UTRN: variants seen among roughly 807,000 people sequenced by gnomAD.
The protein encoded by UTRN is utrophin.
In UTRN, 283 loss-of-function variants were observed where a neutral mutation model predicts 463.9. The ratio of observed to expected loss-of-function variants is 0.61; its 90% CI spans 0.55 to 0.67. The LOEUF (loss-of-function observed/expected upper bound fraction) is 0.67. UTRN is among the 30% of genes least tolerant of loss of function. The pLI is 0.00. For missense variants in UTRN, 3,922 were observed against 4,084.3 expected (o/e 0.96, Z 1.08); for synonymous variants, 1,442 against 1,431.5 (o/e 1.01, Z -0.17).
intron 2 of UTRN, among the ~76,000 whole-genome samples, chr6:144,355,391 G>T (rs1323250985): frequency 6.6e-6 from 1 of 152,012 alleles, no homozygotes; most frequent in Non-Finnish European, 1.5e-5. Flanking sequence ...TAGAGATGGG[G>T]ACTCCCTATG....
intron 68 of UTRN, among the ~76,000 whole-genome samples, chr6:144,828,218 T>C (rs1407064902): frequency 6.6e-6 from 1 of 152,096 alleles, no homozygotes; most frequent in African/African-American, 2.4e-5. Flanking sequence ...TTGAACTGGG[T>C]CTAGGCCAAC....
chr6:144,639,923 A>C (rs1777597069), intron 51 of UTRN, among the ~76,000 whole-genome samples: 1 of 152,172 alleles, frequency 6.6e-6, no homozygotes, highest in Non-Finnish European at 1.5e-5. Context: ...CAGGGCCATG[A>C]GGCATTATCA....
At chr6:144,692,284 G>C (rs927965683) in intron 52 of UTRN, among the ~76,000 whole-genome samples, 4 of 152,146 alleles carry the variant, frequency 2.6e-5, no homozygotes, top group African/African-American at 9.7e-5. Flanking sequence ...TTTCAATCCA[G>C]TCTTATCATT....
intron 53 of UTRN, among the ~76,000 whole-genome samples, chr6:144,724,108 C>T (rs1256776344): frequency 6.7e-6 from 1 of 150,204 alleles, no homozygotes; most frequent in African/African-American, 2.4e-5. Flanking sequence ...TTAATAATAA[C>T]CTTGTTGAGA....
At chr6:144,618,741 T>C (rs1449823595) in intron 51 of UTRN, among the ~76,000 whole-genome samples, 1 of 152,140 alleles carries the variant, frequency 6.6e-6, no homozygotes, top group Non-Finnish European at 1.5e-5. Context: ...TATTATTGTT[T>C]AAAGTTTGGA....
intron 58 of UTRN, among the ~76,000 whole-genome samples, chr6:144,765,964 A>G (rs1011012809): frequency 6.6e-6 from 1 of 151,816 alleles, no homozygotes; most frequent in Non-Finnish European, 1.5e-5. Context: ...ATATCTTTGG[A>G]TTTCCTGCCT....
intron 2 of UTRN, among the ~76,000 whole-genome samples, chr6:144,395,685 A>C (rs1183449223): frequency 6.6e-6 from 1 of 152,188 alleles, no homozygotes; most frequent in Non-Finnish European, 1.5e-5. Flanking sequence ...ATCATTTGGC[A>C]ATATGGTGTG....
At position 144,835,867 on chromosome 6, in the gene UTRN, C is replaced by T. The variant is rs779471507; in HGVS notation, c.9753C>T (p.Ile3251=). ...PVSQPQSPAQ[I]LKSVEREERG... The stretch of plus-strand genomic sequence containing the variant: ...GCCAGCCGCAGAGCCCAGCTCAGAT[C>T]CTGAAGTCAGTAGAGAGGGAAGAAC... Residue 3251 remains isoleucine (I), a synonymous_variant, in exon 70 of 75, where the codon ATC becomes ATT. Transcript: ENST00000367545. The T allele has an allele frequency of 3.7e-6, 6 of 1,613,960 alleles. No individual in the cohort carries two copies. In the African/African-American group the frequency reaches 8.0e-5, roughly 22 times the overall value.
At chr6:144,314,215 A>G (rs985169401) in intron 2 of UTRN, among the ~76,000 whole-genome samples, 3 of 152,230 alleles carry the variant, frequency 2.0e-5, no homozygotes, top group African/African-American at 7.2e-5. Flanking sequence ...TTGAAAATCT[A>G]GAAAAAAAAA....
intron 51 of UTRN, among the ~76,000 whole-genome samples, chr6:144,625,257 A>G (rs1468138248): frequency 6.6e-6 from 1 of 152,228 alleles, no homozygotes; most frequent in African/African-American, 2.4e-5. Flanking sequence ...AATTAATAGA[A>G]TCAGTTTCTT....
intron 2 of UTRN, among the ~76,000 whole-genome samples, chr6:144,314,949 TA>T (rs1318061658): frequency 5.2e-4 from 75 of 144,102 alleles, no homozygotes; most frequent in African/African-American, 2.1e-3. Context: ...TCTCTCTATA[TA>T]TTTTTTTCCT....
Position 144,523,115 on chromosome 6 carries a change from C to G in UTRN, c.5833C>G (p.Gln1945Glu). 1 of 1,613,494 alleles carries G rather than the reference C, an allele frequency of 6.2e-7. No individual in the cohort carries two copies. Among genetic ancestry groups the G allele is most frequent in the Non-Finnish European group, 8.5e-7 (1 of 1,179,714 alleles). ...ILEASGPEAI[Q>E]IRDTLTQLNA... ...TGAAGCCTCTGGACCTGAAGCCATT[C>G]AGATCAGAGATACACTTACTCAGCT... Residue 1945 changes from glutamine to glutamate, a missense_variant, in exon 41 of 75, where the codon CAG becomes GAG. Transcript: ENST00000367545.
intron 52 of UTRN, among the ~76,000 whole-genome samples, chr6:144,690,524 C>T (rs1783291628): frequency 6.6e-6 from 1 of 152,116 alleles, no homozygotes. Flanking sequence ...CTCATCTGCC[C>T]ATGAAGCAGG....
chr6:144,637,996 T>C (rs1585714186), intron 51 of UTRN, among the ~76,000 whole-genome samples: 1 of 152,270 alleles, frequency 6.6e-6, no homozygotes, highest in South Asian at 2.1e-4. Flanking sequence ...TTTAACCTTA[T>C]GCATCAGACA....
intron 45 of UTRN, among the ~76,000 whole-genome samples, chr6:144,540,647 T>C (rs1797907128): frequency 6.6e-6 from 1 of 152,106 alleles, no homozygotes; most frequent in African/African-American, 2.4e-5. Flanking sequence ...TTAATATACA[T>C]CTCCCACCTT....
intron 3 of UTRN, among the ~76,000 whole-genome samples, chr6:144,413,759 A>T (rs958659804): frequency 6.6e-6 from 1 of 152,112 alleles, no homozygotes; most frequent in Non-Finnish European, 1.5e-5. Flanking sequence ...ATAACCAACA[A>T]CTGTGTTACT....
intron 53 of UTRN, among the ~76,000 whole-genome samples, chr6:144,704,069 G>C (rs1697548478): frequency 6.6e-6 from 1 of 152,102 alleles, no homozygotes. Context: ...TGGAGCAGTG[G>C]GTCTTAGGTC....
At chr6:144,332,752 T>G (rs1045726254) in intron 2 of UTRN, among the ~76,000 whole-genome samples, 2 of 152,110 alleles carry the variant, frequency 1.3e-5, no homozygotes, top group African/African-American at 4.8e-5. Context: ...ATTTTTTATG[T>G]ATATTCTCAG....
chr6:144,595,230 C>T (rs760461197), intron 51 of UTRN, among the ~76,000 whole-genome samples: 35 of 152,050 alleles, frequency 2.3e-4, no homozygotes, highest in Admixed American at 7.2e-4. Context: ...TGTTATAGGA[C>T]CAGTGTATTA....
Sources: gnomAD v4.1 joint callset for allele counts (sites outside exome capture counted in the v4.1 genomes callset) on GRCh38, gnomAD v4.1.1 for gene constraint, MANE v1.5 for transcripts, NCBI Gene and HGNC (gene_info 2026-07-23, HGNC 2026-07-21) for gene names.